Variants in B3GALT1 observed in about 807,000 individuals in gnomAD.
The protein encoded by B3GALT1 is beta-1,3-galactosyltransferase 1.
In B3GALT1, 10 loss-of-function variants were observed where a neutral mutation model predicts 23.2. The ratio of observed to expected loss-of-function variants is 0.43; its 90% CI spans 0.27 to 0.73. B3GALT1 has a LOEUF of 0.73. Among genes scored for constraint, B3GALT1 ranks in the 30% least tolerant of loss-of-function variants. B3GALT1 has a pLI of 0.21. For missense variants in B3GALT1, 299 were observed against 405.4 expected (o/e 0.74, Z 2.25); for synonymous variants, 156 against 141.5 (o/e 1.10, Z -0.73).
At chr2:167,494,149 A>T (rs1292663618) in intron 2 of B3GALT1, among the ~76,000 whole-genome samples, 1 of 152,150 alleles carries the variant, frequency 6.6e-6, no homozygotes, top group Non-Finnish European at 1.5e-5. Context: ...TAGAAAACAA[A>T]CTCATTGGAG....
intron 1 of B3GALT1, among the ~76,000 whole-genome samples, chr2:167,370,638 G>C (rs1402475261): frequency 6.6e-6 from 1 of 151,986 alleles, no homozygotes; most frequent in Non-Finnish European, 1.5e-5. Context: ...TAACTAATTG[G>C]TAATTTTCTA....
chr2:167,515,959 C>T (rs1477369436), intron 2 of B3GALT1, among the ~76,000 whole-genome samples: 2 of 152,078 alleles, frequency 1.3e-5, no homozygotes, highest in Non-Finnish European at 2.9e-5. Flanking sequence ...TCTATGTATT[C>T]AGCGTATTCT....
intron 3 of B3GALT1, among the ~76,000 whole-genome samples, chr2:167,683,126 C>T (rs1686561521): frequency 6.6e-6 from 1 of 152,090 alleles, no homozygotes; most frequent in Non-Finnish European, 1.5e-5. Flanking sequence ...TGTTCATTGA[C>T]CAAGGCACAG....
chr2:167,428,893 CTAATT>C (rs145134098), intron 1 of B3GALT1, among the ~76,000 whole-genome samples: 2 of 152,218 alleles, frequency 1.3e-5, no homozygotes, highest in Non-Finnish European at 1.5e-5. Flanking sequence ...GAACACAACT[CTAATT>C]TAATTAATAA....
At chr2:167,663,565 A>G (rs1234121921) in intron 3 of B3GALT1, among the ~76,000 whole-genome samples, 1 of 151,518 alleles carries the variant, frequency 6.6e-6, no homozygotes. Context: ...GAACTAGTTT[A>G]CAGTCCCACC....
At chr2:167,543,972 C>G (rs1683580551) in intron 2 of B3GALT1, among the ~76,000 whole-genome samples, 1 of 152,224 alleles carries the variant, frequency 6.6e-6, no homozygotes, top group South Asian at 2.1e-4. Flanking sequence ...CGATTCAGCT[C>G]TCCTTAGCAT....
intron 1 of B3GALT1, among the ~76,000 whole-genome samples, chr2:167,383,907 C>T (rs540229518): frequency 3.3e-5 from 5 of 152,308 alleles, no homozygotes; most frequent in Admixed American, 3.3e-4. Flanking sequence ...TATTTTATGG[C>T]TAAACATTTT....
intron 2 of B3GALT1, among the ~76,000 whole-genome samples, chr2:167,575,028 A>G (rs1217106585): frequency 6.6e-6 from 1 of 151,626 alleles, no homozygotes; most frequent in Non-Finnish European, 1.5e-5. Flanking sequence ...CTTTGTTCAC[A>G]CCTCTTCTCT....
chr2:167,324,958 T>G (rs560285493), intron 1 of B3GALT1, among the ~76,000 whole-genome samples: 17 of 152,238 alleles, frequency 1.1e-4, no homozygotes, highest in Admixed American at 9.8e-4. Flanking sequence ...CACATATGAG[T>G]GATAACATGT....
chr2:167,710,275 A>C (rs1474032961), intron 3 of B3GALT1, among the ~76,000 whole-genome samples: 1 of 152,264 alleles, frequency 6.6e-6, no homozygotes, highest in African/African-American at 2.4e-5. Context: ...TATCTTTATT[A>C]CTGTAACTTA....
intron 1 of B3GALT1, among the ~76,000 whole-genome samples, chr2:167,441,755 G>T (rs180873463): frequency 1.3e-5 from 2 of 151,988 alleles, no homozygotes; most frequent in East Asian, 1.9e-4. Context: ...GAGCTGGGCA[G>T]GGGGGCATGC....
At chr2:167,387,491 A>G (rs1697947194) in intron 1 of B3GALT1, among the ~76,000 whole-genome samples, 1 of 152,182 alleles carries the variant, frequency 6.6e-6, no homozygotes, top group South Asian at 2.1e-4. Context: ...ATTTGTGCCA[A>G]AAAAGACTGA....
At chr2:167,850,981 AAAAT>A (rs1412698129) in intron 4 of B3GALT1, among the ~76,000 whole-genome samples, 2 of 152,174 alleles carry the variant, frequency 1.3e-5, no homozygotes, top group East Asian at 3.8e-4. Flanking sequence ...AATAAATACA[AAAAT>A]AAATAAATGA....
At chr2:167,808,904 A>G (rs1688819640) in intron 3 of B3GALT1, among the ~76,000 whole-genome samples, 1 of 152,118 alleles carries the variant, frequency 6.6e-6, no homozygotes, top group African/African-American at 2.4e-5. Flanking sequence ...CATTCTCTCC[A>G]TCACTTTCAG....
chr2:167,788,023 T>C (rs1405992449), intron 3 of B3GALT1, among the ~76,000 whole-genome samples: 1 of 152,150 alleles, frequency 6.6e-6, no homozygotes, highest in Non-Finnish European at 1.5e-5. Context: ...CTAGACTTTT[T>C]CCTGGCCCTG....
At chr2:167,781,452 TG>T (rs1430031139) in intron 3 of B3GALT1, among the ~76,000 whole-genome samples, 7 of 152,192 alleles carry the variant, frequency 4.6e-5, no homozygotes, top group Non-Finnish European at 5.9e-5. Context: ...GGCTGCCGGA[TG>T]GGTGCAATAC....
intron 2 of B3GALT1, among the ~76,000 whole-genome samples, chr2:167,608,677 T>G (rs1685008717): frequency 6.6e-6 from 1 of 152,192 alleles, no homozygotes; most frequent in East Asian, 1.9e-4. Flanking sequence ...GGACTTTTGT[T>G]TCTGACCTTC....
At chr2:167,860,635 G>A (rs1449602777) in intron 4 of B3GALT1, among the ~76,000 whole-genome samples, 1 of 152,124 alleles carries the variant, frequency 6.6e-6, no homozygotes, top group Non-Finnish European at 1.5e-5. Context: ...GATAGTATAA[G>A]ATGTAGTAGT....
rs1412281949 is a variant in B3GALT1, at chr2:167,873,171, C to CT, written c.*3158dup. ...CTCTCAGACAATTTTTACAAAAACT[C>CT]TTTTTTTCCATTATGCACTGGATAA... is the stretch of plus-strand genomic sequence containing the variant. On this transcript the variant is annotated 3_prime_UTR_variant, in exon 5 of 5. Transcript: ENST00000392690. 1 of 152,074 alleles carries CT rather than the reference C, an allele frequency of 6.6e-6. No individual in the cohort carries two copies. The highest frequency in any genetic ancestry group is 1.9e-4 in the East Asian group (1 of 5,196). 9.4% of individuals were successfully genotyped at this position (152,074 alleles called of 1,614,324 possible).
Sources: allele counts gnomAD v4.1 joint callset (sites outside exome capture counted in the v4.1 genomes callset), GRCh38; gene constraint gnomAD v4.1.1; transcripts MANE v1.5; gene names NCBI Gene and HGNC (gene_info 2026-07-23, HGNC 2026-07-21).